Variants in ARIH1 observed in about 807,000 individuals in gnomAD.
ARIH1 encodes E3 ubiquitin-protein ligase ARIH1.
In ARIH1, 8 loss-of-function variants were observed where a neutral mutation model predicts 85.0. The ratio of observed to expected loss-of-function variants is 0.09; its 90% confidence interval spans 0.06 to 0.17. ARIH1 has a LOEUF of 0.17. ARIH1 is among the 10% of genes least tolerant of loss of function. The probability of loss-of-function intolerance (pLI) is 1.00; values close to 1 mark genes in which losing one functional copy is unlikely to be tolerated. For synonymous variants in ARIH1, 238 were observed against 253.6 expected, an observed-to-expected ratio of 0.94 and a Z score of 0.59; for missense variants, 311 against 718.1, an observed-to-expected ratio of 0.43 and a Z score of 6.48.
rs1330328289 is a variant in ARIH1, at chr15:72,601,399, TCTC to T, written c.*18110_*18112del. The T allele has an allele frequency of 6.6e-6, 1 of 152,150 alleles. No individual in the cohort carries two copies. The highest frequency in any genetic ancestry group is 1.5e-5 in the Non-Finnish European group (1 of 68,052). The allele number at this position is 152,150 out of a possible 1,614,324, so 9.4% of individuals were successfully genotyped here. On this transcript the variant is annotated 3_prime_UTR_variant, in exon 14 of 14. Coordinates refer to ENST00000379887, the MANE Select transcript of ARIH1 (RefSeq NM_005744.5). ...TTTGTGGATCTGCACTCCTACCTCT[TCTC>T]CTATTGCAACCAACCCTGTTACCTT...
intron 3 of ARIH1, among the ~76,000 whole-genome samples, chr15:72,552,537 G>A (rs1178435191): frequency 4.6e-5 from 7 of 151,912 alleles, no homozygotes; most frequent in East Asian, 1.9e-4. Flanking sequence ...TGATCTGCCC[G>A]CCTTGGCCTC....
chr15:72,490,710 G>C (rs886789248), intron 1 of ARIH1, among the ~76,000 whole-genome samples: 4 of 151,984 alleles, frequency 2.6e-5, no homozygotes, highest in Non-Finnish European at 4.4e-5. Context: ...GACAAGCAGG[G>C]ATGGGAGAGG....
intron 3 of ARIH1, among the ~76,000 whole-genome samples, chr15:72,546,959 G>C (rs2064132237): frequency 6.7e-6 from 1 of 149,528 alleles, no homozygotes; most frequent in Non-Finnish European, 1.5e-5. Context: ...ACGGAGTCTT[G>C]CTCTGTCGCC....
chr15:72,485,452 C>T (rs904259421), intron 1 of ARIH1, among the ~76,000 whole-genome samples: 3 of 152,038 alleles, frequency 2.0e-5, no homozygotes, highest in Non-Finnish European at 2.9e-5. Flanking sequence ...AAAACACTGC[C>T]GTCTCTGCTT....
chr15:72,480,110 C>A (rs1360893887), intron 1 of ARIH1, among the ~76,000 whole-genome samples: 1 of 151,922 alleles, frequency 6.6e-6, no homozygotes, highest in African/African-American at 2.4e-5. Context: ...ACCTCGTGAT[C>A]CGCCCACCTC....
intron 2 of ARIH1, among the ~76,000 whole-genome samples, chr15:72,519,054 G>C (rs2063987340): frequency 6.6e-6 from 1 of 151,918 alleles, no homozygotes; most frequent in African/African-American, 2.4e-5. Context: ...ATCTTGTTCT[G>C]CTCTTTGGTT....
rs1415699567 is a variant in ARIH1 at position 72,591,927 on chromosome 15, A to AC, written c.*8637dup. The AC allele has an allele frequency of 6.6e-6, 1 of 152,210 alleles. No individual in the cohort carries two copies. The highest frequency in any genetic ancestry group is 6.5e-5 in the Admixed American group (1 of 15,280). 9.4% of individuals were successfully genotyped at this position (152,210 alleles called of 1,614,324 possible). ...ATAAGGAAGAATGATCTGAGTGTCT[A>AC]CCTGCTTTGGAAAAGATGTCTGCCA... On this transcript the variant is annotated 3_prime_UTR_variant, in exon 14 of 14. Coordinates refer to ENST00000379887, the MANE Select transcript of ARIH1 (RefSeq NM_005744.5).
rs2063784334 is a variant in ARIH1 at position 72,474,430 on chromosome 15, C to T, written c.-210C>T. On this transcript the variant is annotated 5_prime_UTR_variant, in exon 1 of 14. Coordinates refer to ENST00000379887, the MANE Select transcript of ARIH1 (RefSeq NM_005744.5). ...ACTGAGGCGGGCAGCAAGCGGCCCC[C>T]TCGCTCCCTCCCTCCCTCCTCCGCG... 5 of 637,512 alleles carry T rather than the reference C, an allele frequency of 7.8e-6. No individual in the cohort carries two copies. Among genetic ancestry groups the T allele is most frequent in the Non-Finnish European group, 1.3e-5 (5 of 385,794 alleles). The allele number at this position is 637,512 out of a possible 1,614,324, so 39.5% of individuals were successfully genotyped here. A position where few individuals can be genotyped will look rare whatever the true frequency, so the allele number is the denominator to read the frequency against.
In ARIH1 at chr15:72,534,959, C is replaced by CTTTTTTT. The variant is rs59841210; in HGVS notation, c.444-9856_444-9850dup. On this transcript the variant is annotated intron_variant, in intron 2 of 13. Transcript: ENST00000379887. Reference sequence around the variant, plus strand: ...CCTATGTCTTCTTATTGTCTGTATTCTTTTTTTTTTTGAGACGGAGTCTCG... The same window carrying CTTTTTTT: ...CCTATGTCTTCTTATTGTCTGTATTCTTTTTTTTTTTTTTTTTTGAGACGGAGTCTCG... 2.1e-3 allele frequency among the ~76,000 whole-genome samples: 155 copies of CTTTTTTT among 73,908 alleles called. 19 individuals carry two copies. The highest frequency in any genetic ancestry group is 4.0e-3 in the African/African-American group (138 of 34,548). 48.5% of individuals were successfully genotyped at this position (73,908 alleles called of 152,430 possible). A position where few individuals can be genotyped will look rare whatever the true frequency, so the allele number is the denominator to read the frequency against.
intron 11 of ARIH1, among the ~76,000 whole-genome samples, chr15:72,577,813 A>G (rs1016687775): frequency 1.3e-5 from 2 of 152,206 alleles, no homozygotes; most frequent in Non-Finnish European, 1.5e-5. Context: ...AATGGGATTC[A>G]GGAGATGCAG....
rs565252743 is a variant in ARIH1, at chr15:72,480,114, C to T, written c.375+5100C>T. Among the ~76,000 whole-genome samples, 3 of 152,084 alleles carry T rather than the reference C, an allele frequency of 2.0e-5. No individual in the cohort carries two copies. In the East Asian group the frequency reaches 5.8e-4, roughly 30 times the overall value. On this transcript the variant is annotated intron_variant, in intron 1 of 13. Transcript: ENST00000379887. ...TGGATCTCCTGACCTCGTGATCCGC[C>T]CACCTCGGCCTGCCAAAGTGCTGGG...
intron 1 of ARIH1, among the ~76,000 whole-genome samples, chr15:72,503,981 T>C (rs1474983118): frequency 6.6e-6 from 1 of 152,222 alleles, no homozygotes; most frequent in African/African-American, 2.4e-5. Flanking sequence ...ACCAGCTCAG[T>C]AGGCTCCTTG....
chr15:72,555,380 G>A lies in ARIH1; in HGVS notation c.681+17G>A, dbSNP rs1183488517. 6.3e-7 allele frequency: 1 copy of A among 1,583,260 alleles called. No homozygotes were observed. Among genetic ancestry groups the A allele is most frequent in the South Asian group, 1.1e-5 (1 of 89,780 alleles). On this transcript the variant is annotated intron_variant, in intron 4 of 13. Transcript: ENST00000379887. ...ATGGGTCAGGTAAAGATATCAAGTT[G>A]TTTTTCAGTTTTTGTTGAATTTCCT...
intron 1 of ARIH1, among the ~76,000 whole-genome samples, chr15:72,488,249 T>G (rs2063845123): frequency 6.6e-6 from 1 of 152,120 alleles, no homozygotes; most frequent in Non-Finnish European, 1.5e-5. Flanking sequence ...TTTGTTTGTT[T>G]TGTTTTTGGT....
intron 11 of ARIH1, among the ~76,000 whole-genome samples, chr15:72,576,371 TGGCG>T (rs1487033991): frequency 6.6e-6 from 1 of 151,996 alleles, no homozygotes; most frequent in Non-Finnish European, 1.5e-5. Context: ...CTGGGCGTGG[TGGCG>T]GGCACCTGTA....
Position 72,589,305 on chromosome 15 carries a change from A to G in ARIH1, c.*6013A>G, listed in dbSNP as rs2064331047. 1 of 152,226 alleles carries G rather than the reference A, an allele frequency of 6.6e-6. No individual in the cohort carries two copies. Among genetic ancestry groups the G allele is most frequent in the African/African-American group, 2.4e-5 (1 of 41,462 alleles). 9.4% of individuals were successfully genotyped at this position (152,226 alleles called of 1,614,324 possible). Reference sequence around the variant, plus strand: ...ATTATGCTGCTGTTGTCTGTTACATAGGAATATTGTGAGGATCAAAGAACA... The same window carrying G: ...ATTATGCTGCTGTTGTCTGTTACATGGGAATATTGTGAGGATCAAAGAACA... On this transcript the variant is annotated 3_prime_UTR_variant, in exon 14 of 14. Transcript: ENST00000379887.
intron 7 of ARIH1, among the ~76,000 whole-genome samples, chr15:72,565,902 A>G (rs62015875): frequency 0.061 from 9,342 of 152,206 alleles, 388 homozygotes; most frequent in Middle Eastern, 0.092. Context: ...CCATTCGTAA[A>G]TTACTTAATT....
intron 3 of ARIH1, among the ~76,000 whole-genome samples, chr15:72,552,712 A>G (rs996674252): frequency 2.0e-5 from 3 of 151,982 alleles, no homozygotes; most frequent in African/African-American, 7.2e-5. Context: ...TATGTAAAAA[A>G]CTGGAAATAG....
chr15:72,490,300 C>T (rs2063853966), intron 1 of ARIH1, among the ~76,000 whole-genome samples: 1 of 151,712 alleles, frequency 6.6e-6, no homozygotes. Context: ...CAGTTTATTA[C>T]AGCAGGAGTT....
Sources: allele counts gnomAD v4.1 joint callset (sites outside exome capture counted in the v4.1 genomes callset), GRCh38; gene constraint gnomAD v4.1.1; transcripts MANE v1.5; gene names NCBI Gene and HGNC (gene_info 2026-07-23, HGNC 2026-07-21).